Variants in NUBPL observed in about 807,000 individuals in gnomAD.
NUBPL encodes NUBP iron-sulfur cluster assembly factor, mitochondrial, also known as iron-sulfur cluster transfer protein NUBPL.
A neutral mutation model predicts 45.7 loss-of-function variants in NUBPL; 31 were observed. The observed-to-expected ratio is 0.68, with a 90% CI of 0.51 to 0.92. The LOEUF (loss-of-function observed/expected upper bound fraction) is 0.92, where lower values mean the gene tolerates loss of function less well. Among genes scored for constraint, NUBPL ranks in the 40% least tolerant of loss-of-function variants. The probability of loss-of-function intolerance (pLI) is 0.00; values close to 1 mark genes in which losing one functional copy is unlikely to be tolerated. For synonymous variants in NUBPL, 144 were observed against 140.9 expected (o/e 1.02, Z -0.15); for missense variants, 401 against 398.7 (o/e 1.01, Z -0.05).
intron 4 of NUBPL, among the ~76,000 whole-genome samples, chr14:31,639,541 C>A (rs2035618387): frequency 6.6e-6 from 1 of 152,154 alleles, no homozygotes; most frequent in South Asian, 2.1e-4. Flanking sequence ...GGTCAGGGAC[C>A]CACTTGAGGA....
intron 6 of NUBPL, among the ~76,000 whole-genome samples, chr14:31,758,285 AT>A (rs1230034550): frequency 1.3e-5 from 2 of 152,200 alleles, no homozygotes; most frequent in African/African-American, 4.8e-5. Context: ...AAGCTGTTTA[AT>A]TATAAGACAT....
At chr14:31,627,545 G>A (rs569133838) in intron 4 of NUBPL, among the ~76,000 whole-genome samples, 3 of 152,038 alleles carry the variant, frequency 2.0e-5, no homozygotes, top group South Asian at 4.2e-4. Context: ...TTAGGAGGCC[G>A]AGGCGGGCGG....
intron 6 of NUBPL, among the ~76,000 whole-genome samples, chr14:31,767,898 A>G (rs1403846998): frequency 6.6e-6 from 1 of 152,180 alleles, no homozygotes; most frequent in Admixed American, 6.5e-5. Flanking sequence ...ATGCCTTTAC[A>G]TACATGTTCC....
chr14:31,718,271 A>C (rs1298917206), intron 6 of NUBPL, among the ~76,000 whole-genome samples: 2 of 152,188 alleles, frequency 1.3e-5, no homozygotes, highest in Non-Finnish European at 2.9e-5. Context: ...GCTGCTACTT[A>C]GACTTGGGGC....
In NUBPL at chr14:31,700,877, C is replaced by T. The variant is rs1272304914; in HGVS notation, c.513+27303C>T. 3.9e-5 allele frequency among the ~76,000 whole-genome samples: 6 copies of T among 152,108 alleles called. No homozygotes were observed. In the East Asian group the frequency reaches 7.8e-4, roughly 20 times the overall value. The stretch of plus-strand genomic sequence containing the variant: ...ACGGCCTGAGCCTCCCCGACGGGTG[C>T]TGCCCCCTGCTCCAGGGCTCCCGGT... On this transcript the variant is annotated intron_variant, in intron 6 of 10. Transcript: ENST00000281081.
At chr14:31,638,415 C>T (rs1005312320) in intron 4 of NUBPL, among the ~76,000 whole-genome samples, 9 of 151,498 alleles carry the variant, frequency 5.9e-5, no homozygotes, top group African/African-American at 2.2e-4. Flanking sequence ...TGAATATTGG[C>T]CCCCACTCTC....
At chr14:31,747,735 T>G (rs1462575134) in intron 6 of NUBPL, among the ~76,000 whole-genome samples, 1 of 152,198 alleles carries the variant, frequency 6.6e-6, no homozygotes, top group East Asian at 1.9e-4. Context: ...TTTGTCAAAT[T>G]TGATTATCTT....
intron 6 of NUBPL, among the ~76,000 whole-genome samples, chr14:31,735,820 C>G (rs1485774060): frequency 6.6e-6 from 1 of 152,114 alleles, no homozygotes; most frequent in Non-Finnish European, 1.5e-5. Context: ...CCACTGCACT[C>G]CAGCCTAGGC....
chr14:31,652,139 T>C (rs1255376328), intron 4 of NUBPL, among the ~76,000 whole-genome samples: 5 of 152,106 alleles, frequency 3.3e-5, no homozygotes. Flanking sequence ...AATTCTGTCA[T>C]TTGCAACTAT....
intron 4 of NUBPL, among the ~76,000 whole-genome samples, chr14:31,640,765 G>C (rs891577034): frequency 2.0e-5 from 3 of 151,950 alleles, no homozygotes; most frequent in Non-Finnish European, 4.4e-5. Flanking sequence ...GTGTTAATTT[G>C]ATACACTCAT....
At chr14:31,768,373 T>C (rs1035506950) in intron 6 of NUBPL, among the ~76,000 whole-genome samples, 3 of 152,236 alleles carry the variant, frequency 2.0e-5, no homozygotes, top group African/African-American at 7.2e-5. Context: ...TTGAAATCTT[T>C]TTAGAAGCTT....
At chr14:31,748,708 G>C (rs1233230616) in intron 6 of NUBPL, among the ~76,000 whole-genome samples, 3 of 152,028 alleles carry the variant, frequency 2.0e-5, no homozygotes, top group African/African-American at 7.3e-5. Context: ...TGCCTCCCGG[G>C]TTCAAGCGTT....
chr14:31,654,513 A>T (rs987994076), intron 4 of NUBPL, among the ~76,000 whole-genome samples: 1 of 149,686 alleles, frequency 6.7e-6, no homozygotes, highest in Admixed American at 6.7e-5. Context: ...GGTTCATGCC[A>T]TTCTCCTGCC....
At chr14:31,802,460 T>G (rs2039610673) in intron 7 of NUBPL, among the ~76,000 whole-genome samples, 1 of 152,054 alleles carries the variant, frequency 6.6e-6, no homozygotes, top group Non-Finnish European at 1.5e-5. Flanking sequence ...GTATTTTTAG[T>G]AGAGACCGGG....
At chr14:31,789,389 A>G (rs748810849) in intron 7 of NUBPL, among the ~76,000 whole-genome samples, 24 of 152,232 alleles carry the variant, frequency 1.6e-4, no homozygotes, top group African/African-American at 5.8e-4. Context: ...GGTAAATACA[A>G]CTATGGGAGA....
At chr14:31,702,557 T>G (rs2037363066) in intron 6 of NUBPL, among the ~76,000 whole-genome samples, 1 of 152,216 alleles carries the variant, frequency 6.6e-6, no homozygotes, top group African/African-American at 2.4e-5. Context: ...AATACTGGTT[T>G]CCAAAATGAA....
chr14:31,843,876 G>C (rs2040413582), intron 8 of NUBPL: 1 of 152,126 alleles, frequency 6.6e-6, no homozygotes, highest in South Asian at 2.1e-4. Flanking sequence ...TTTTATGAGT[G>C]TATTTTTGCA....
intron 7 of NUBPL, among the ~76,000 whole-genome samples, chr14:31,802,134 G>C (rs909765395): frequency 6.6e-6 from 1 of 152,168 alleles, no homozygotes; most frequent in African/African-American, 2.4e-5. Flanking sequence ...CCTTATCCCA[G>C]GAATGAGTTA....
chr14:31,593,677 T>G (rs1428856560), intron 3 of NUBPL, among the ~76,000 whole-genome samples: 1 of 151,892 alleles, frequency 6.6e-6, no homozygotes, highest in Non-Finnish European at 1.5e-5. Flanking sequence ...ATAGGAAATG[T>G]GTAGTGTTGT....
Sources: gnomAD v4.1 joint callset for allele counts (sites outside exome capture counted in the v4.1 genomes callset) on GRCh38, gnomAD v4.1.1 for gene constraint, MANE v1.5 for transcripts, NCBI Gene and HGNC (gene_info 2026-07-23, HGNC 2026-07-21) for gene names.